PAFAH1B3: variants seen among roughly 807,000 people sequenced by gnomAD.
The protein encoded by PAFAH1B3 is platelet activating factor acetylhydrolase 1b catalytic subunit 3, also known as platelet-activating factor acetylhydrolase IB subunit alpha1.
Under a neutral mutation model 24.4 loss-of-function variants are expected in PAFAH1B3, and 15 were observed. That is an observed-to-expected ratio of 0.62 (90% CI 0.41 to 0.95). The LOEUF is 0.95. Among genes scored for constraint, PAFAH1B3 ranks in the 40% least tolerant of loss-of-function variants. The pLI is 0.00. For missense variants in PAFAH1B3, 266 were observed against 312.2 expected, an observed-to-expected ratio of 0.85 and a Z score of 1.12; for synonymous variants, 144 against 126.5, an observed-to-expected ratio of 1.14 and a Z score of -0.93.
chr19:42,302,411 A>G lies in PAFAH1B3; in HGVS notation c.-102T>C. The G allele has an allele frequency of 3.7e-6, 4 of 1,093,132 alleles. No individual in the cohort carries two copies. Among genetic ancestry groups the G allele is most frequent in the Non-Finnish European group, 3.9e-6 (3 of 767,240 alleles). The allele number at this position is 1,093,132 out of a possible 1,614,324, so 67.7% of individuals were successfully genotyped here. Reference sequence around the variant, plus strand: ...GCCCACTCCTACCCCTCGCGGCAACAAAGGACCGTCCCAACGCTAGCACAC... The same window carrying G: ...GCCCACTCCTACCCCTCGCGGCAACGAAGGACCGTCCCAACGCTAGCACAC... On this transcript the variant is annotated 5_prime_UTR_variant, in exon 1 of 5. Coordinates refer to ENST00000262890, the MANE Select transcript of PAFAH1B3 (RefSeq NM_002573.4).
At position 42,300,214 on chromosome 19, in the gene PAFAH1B3, A is replaced by G. The variant is rs1362294001; in HGVS notation, c.242T>C (p.Leu81Pro). ...CAGCTCCCCATTCTCCAGCCGCCACAGTACATGCTGTGTGCCGTCACCACC... is the reference window on the plus strand; with the variant it reads ...CAGCTCCCCATTCTCCAGCCGCCACGGTACATGCTGTGTGCCGTCACCACC... Reference protein sequence around the residue: ...GIGGDGTQHVLWRLENGELEH... With the variant: ...GIGGDGTQHVPWRLENGELEH... The change falls in exon 3 of 5, where the codon CTG becomes CCG. Residue 81 changes from leucine to proline, a missense_variant. By Grantham distance (98) the Leu-to-Pro change is moderately conservative. Coordinates refer to ENST00000262890, the MANE Select transcript of PAFAH1B3 (RefSeq NM_002573.4). 6 of 1,614,232 alleles carry G rather than the reference A, an allele frequency of 3.7e-6. No homozygotes were observed. The highest frequency in any genetic ancestry group is 5.1e-6 in the Non-Finnish European group (6 of 1,180,044).
chr19:42,302,065 A>C, intron 1 of PAFAH1B3, 26 bp from the exon 2 acceptor site: 1 of 1,552,492 alleles, frequency 6.4e-7, no homozygotes, highest in Admixed American at 1.9e-5. Context: ...AGAGGGAGTC[A>C]ATGGCATGCA....
chr19:42,300,406 T>C (rs772191097), intron 2 of PAFAH1B3, 119 bp from the exon 3 acceptor site: 1 of 848,678 alleles, frequency 1.2e-6, no homozygotes, highest in Non-Finnish European at 1.9e-6. Context: ...CCTTACTTCA[T>C]GGAAGCAGTC....
chr19:42,302,518 G>C lies in PAFAH1B3; in HGVS notation c.-209C>G. The C allele has an allele frequency of 3.7e-6, 2 of 540,968 alleles. No individual in the cohort carries two copies. The highest frequency in any genetic ancestry group is 6.5e-6 in the Non-Finnish European group (2 of 305,956). 33.5% of individuals were successfully genotyped at this position (540,968 alleles called of 1,614,324 possible). ...TCACTTAGGAGGTAGGTGGAATCAGGAACCTTCGCTTCCCCCACGACGGCC... is the reference window on the plus strand; with the variant it reads ...TCACTTAGGAGGTAGGTGGAATCAGCAACCTTCGCTTCCCCCACGACGGCC... On this transcript the variant is annotated 5_prime_UTR_variant, in exon 1 of 5. Transcript: ENST00000262890.
chr19:42,300,814 C>G (rs1223285333), intron 2 of PAFAH1B3, among the ~76,000 whole-genome samples: 2 of 150,882 alleles, frequency 1.3e-5, no homozygotes, highest in African/African-American at 4.9e-5. Flanking sequence ...CCCATGGTGC[C>G]CAGCCTATTT....
intron 2 of PAFAH1B3, 65 bp downstream of exon 2, chr19:42,301,885 C>G: frequency 7.4e-7 from 1 of 1,350,296 alleles, no homozygotes; most frequent in Non-Finnish European, 1.0e-6. Context: ...GGCCTGGGTT[C>G]TGGTCCAGAT....
At chr19:42,299,101 G>A (rs1347385636) in intron 4 of PAFAH1B3, among the ~76,000 whole-genome samples, 3 of 149,198 alleles carry the variant, frequency 2.0e-5, no homozygotes, top group South Asian at 2.1e-4. Flanking sequence ...GTTTACAGGC[G>A]TGAGCCACCG....
intron 4 of PAFAH1B3, among the ~76,000 whole-genome samples, chr19:42,299,424 A>G (rs2038583997): frequency 7.1e-6 from 1 of 140,390 alleles, no homozygotes; most frequent in African/African-American, 2.7e-5. Flanking sequence ...GCCCATGCCC[A>G]ACTAATTTTT....
intron 4 of PAFAH1B3, among the ~76,000 whole-genome samples, chr19:42,299,133 TG>T (rs2038579787): frequency 6.6e-6 from 1 of 151,052 alleles, no homozygotes. Flanking sequence ...TTTTTTTTTT[TG>T]AGACAGAGTT....
rs145693689 is a variant in PAFAH1B3 at position 42,300,935 on chromosome 19, C to G, written c.169-648G>C. Among the ~76,000 whole-genome samples the G allele has an allele frequency of 1.4e-4, 21 of 152,358 alleles. No homozygotes were observed. The East Asian group carries it at 4.1e-3, about 29-fold the overall frequency. ...GTTCTGGCGATTCTCCTGCCTCAGC[C>G]TGCCAAGTAGCTGGGACTATAGGCA... On this transcript the variant is annotated intron_variant, in intron 2 of 4. Transcript: ENST00000262890.
In PAFAH1B3 at chr19:42,297,336, G is replaced by A; in HGVS notation, c.438C>T (p.Asn146=). The A allele has an allele frequency of 6.2e-7, 1 of 1,610,070 alleles. No homozygotes were observed. Among genetic ancestry groups the A allele is most frequent in the Non-Finnish European group, 8.5e-7 (1 of 1,176,608 alleles). The part of the protein sequence containing the change: ...LGLLPRGQHP[N]PLREKNRQVN... ...CCTGTCGGTTCTTCTCCCGAAGTGG[G>A]TTGGGATGTTGGCCTCGCGGAAGCA... Residue 146 remains asparagine (N), a synonymous_variant, in exon 5 of 5, where the codon AAC becomes AAT. Coordinates refer to ENST00000262890, the MANE Select transcript of PAFAH1B3 (RefSeq NM_002573.4).
intron 4 of PAFAH1B3, among the ~76,000 whole-genome samples, chr19:42,299,410 C>T (rs2038583715): frequency 6.6e-6 from 1 of 151,736 alleles, no homozygotes; most frequent in Non-Finnish European, 1.5e-5. Context: ...AGCCACTGCG[C>T]CCAGCCCATG....
rs756547283 is a variant in PAFAH1B3, at chr19:42,297,381, A to AGGC, written c.409-19_409-17dup. On this transcript the variant is annotated splice_polypyrimidine_tract_variant and intron_variant, in intron 4 of 4. Transcript: ENST00000262890. ...GAAGCAGGCCCTGAGCAGGAACACG[A>AGGC]GGCGTAGTAAGGAAACAAGCATTTG... 1 of 1,592,738 alleles carries AGGC rather than the reference A, an allele frequency of 6.3e-7. No individual in the cohort carries two copies. The highest frequency in any genetic ancestry group is 1.3e-5 in the African/African-American group (1 of 74,548).
rs916776081 is a variant in PAFAH1B3, at chr19:42,302,373, C to G, written c.-64G>C. 27 of 1,440,090 alleles carry G rather than the reference C, an allele frequency of 1.9e-5. No homozygotes were observed. Among genetic ancestry groups the G allele is most frequent in the Middle Eastern group, 1.9e-4 (1 of 5,364 alleles). 89.2% of individuals were successfully genotyped at this position (1,440,090 alleles called of 1,614,324 possible). A position where few individuals can be genotyped will look rare whatever the true frequency, so the allele number is the denominator to read the frequency against. Reference sequence around the variant, plus strand: ...CGGCCCGGGAGTGTTCCGAACGGAGCTGGCTCCGCCACGCCCACTCCTACC... The same window carrying G: ...CGGCCCGGGAGTGTTCCGAACGGAGGTGGCTCCGCCACGCCCACTCCTACC... On this transcript the variant is annotated 5_prime_UTR_variant, in exon 1 of 5. Coordinates refer to ENST00000262890, the MANE Select transcript of PAFAH1B3 (RefSeq NM_002573.4).
intron 4 of PAFAH1B3, among the ~76,000 whole-genome samples, chr19:42,298,448 G>A (rs960574572): frequency 5.3e-5 from 8 of 152,112 alleles, no homozygotes; most frequent in African/African-American, 1.4e-4. Flanking sequence ...GCCAGATTGC[G>A]TCACTGCACT....
At chr19:42,298,901 C>T (rs1172066634) in intron 4 of PAFAH1B3, among the ~76,000 whole-genome samples, 1 of 151,922 alleles carries the variant, frequency 6.6e-6, no homozygotes, top group African/African-American at 2.4e-5. Flanking sequence ...GCAAGCTCCG[C>T]CCCCCGGGTT....
In PAFAH1B3 at chr19:42,302,287, G is replaced by A; in HGVS notation, c.23C>T (p.Ala8Val). The A allele has an allele frequency of 1.9e-6, 3 of 1,606,446 alleles. No homozygotes were observed. Among genetic ancestry groups the A allele is most frequent in the Non-Finnish European group, 2.5e-6 (3 of 1,177,316 alleles). Residue 8 changes from alanine (A) to valine (V), a missense_variant, in exon 1 of 5, where the codon GCC becomes GTC. By Grantham distance (64) the Ala-to-Val change is moderately conservative. Transcript: ENST00000262890. MSGEENP[A>V]SKPTPVQDVQ... is the part of the protein sequence containing the mutation. ...GTCCTGCACCGGCGTGGGCTTGCTG[G>A]CTGGGTTCTCCTCTCCACTCATCTT... is the stretch of plus-strand genomic sequence containing the variant.
In PAFAH1B3 at chr19:42,301,920, A is replaced by T. The variant is rs1202344921; in HGVS notation, c.168+30T>A. 5 of 1,523,334 alleles carry T rather than the reference A, an allele frequency of 3.3e-6. No individual in the cohort carries two copies. The South Asian group carries it at 6.0e-5, about 18-fold the overall frequency. The allele number at this position is 1,523,334 out of a possible 1,614,324, so 94.4% of individuals were successfully genotyped here. A position where few individuals can be genotyped will look rare whatever the true frequency, so the allele number is the denominator to read the frequency against. On this transcript the variant is annotated intron_variant, in intron 2 of 4. Coordinates refer to ENST00000262890, the MANE Select transcript of PAFAH1B3 (RefSeq NM_002573.4). Reference sequence around the variant, plus strand: ...TGTGTCAGCATGGACACAGGGCTGGATGGGGCAGGGGGAGAGGGACTGCCC... The same window carrying T: ...TGTGTCAGCATGGACACAGGGCTGGTTGGGGCAGGGGGAGAGGGACTGCCC...
chr19:42,297,447 C>T, intron 4 of PAFAH1B3, 82 bp from the exon 5 acceptor site: 3 of 1,185,400 alleles, frequency 2.5e-6, no homozygotes, highest in Non-Finnish European at 3.5e-6. Context: ...CCACCCACCA[C>T]CATGAAGTTT....
Sources: allele counts gnomAD v4.1 joint callset (sites outside exome capture counted in the v4.1 genomes callset), GRCh38; gene constraint gnomAD v4.1.1; transcripts MANE v1.5; gene names NCBI Gene and HGNC (gene_info 2026-07-23, HGNC 2026-07-21).